Variants in PRKD1 observed in about 807,000 individuals in gnomAD.
The protein encoded by PRKD1 is protein kinase D1, also known as serine/threonine-protein kinase D1.
A neutral mutation model predicts 95.9 loss-of-function variants in PRKD1; 63 were observed. The observed-to-expected ratio is 0.66, with a 90% CI of 0.54 to 0.81. The LOEUF (loss-of-function observed/expected upper bound fraction) is 0.81. PRKD1 is among the 30% of genes least tolerant of loss of function. The probability of loss-of-function intolerance (pLI) is 0.00; values close to 1 mark genes in which losing one functional copy is unlikely to be tolerated. For synonymous variants in PRKD1, 425 were observed against 423.1 expected (o/e 1.00, Z -0.05); for missense variants, 1,048 against 1,165.3 (o/e 0.90, Z 1.47).
intron 4 of PRKD1, among the ~76,000 whole-genome samples, chr14:29,653,124 A>G (rs1048744455): frequency 9.9e-5 from 15 of 152,210 alleles, no homozygotes; most frequent in African/African-American, 3.6e-4. Context: ...GTAAACCTGT[A>G]TGAAAATAAT....
chr14:29,861,620 C>A (rs1594584279), intron 1 of PRKD1, among the ~76,000 whole-genome samples: 1 of 152,124 alleles, frequency 6.6e-6, no homozygotes, highest in South Asian at 2.1e-4. Flanking sequence ...CCCTGTCATG[C>A]TATCAAATAC....
At chr14:29,659,010 T>C (rs1165733842) in intron 4 of PRKD1, among the ~76,000 whole-genome samples, 2 of 152,202 alleles carry the variant, frequency 1.3e-5, no homozygotes, top group African/African-American at 2.4e-5. Context: ...AAAACACTTT[T>C]ACTGAGGTAC....
intron 1 of PRKD1, among the ~76,000 whole-genome samples, chr14:29,782,474 T>G (rs971732870): frequency 6.6e-6 from 1 of 152,198 alleles, no homozygotes; most frequent in Non-Finnish European, 1.5e-5. Context: ...CTTTCTTTTT[T>G]TCATTCTTTT....
intron 1 of PRKD1, among the ~76,000 whole-genome samples, chr14:29,778,591 A>G (rs537618634): frequency 7.2e-5 from 11 of 152,268 alleles, no homozygotes; most frequent in African/African-American, 2.6e-4. Context: ...AAACCAGGAA[A>G]AAGTTGAATC....
chr14:29,656,386 G>C, intron 4 of PRKD1: 2 of 1,309,454 alleles, frequency 1.5e-6, no homozygotes, highest in South Asian at 1.3e-5. Flanking sequence ...CATAAAGTCA[G>C]TACAGACAAT....
At chr14:29,833,392 C>T (rs1460928428) in intron 1 of PRKD1, among the ~76,000 whole-genome samples, 4 of 152,066 alleles carry the variant, frequency 2.6e-5, no homozygotes, top group South Asian at 2.1e-4. Context: ...TTAAAGTACA[C>T]ACATACAGTC....
intron 2 of PRKD1, among the ~76,000 whole-genome samples, chr14:29,716,200 A>G (rs1885601685): frequency 6.6e-6 from 1 of 152,192 alleles, no homozygotes; most frequent in African/African-American, 2.4e-5. Context: ...AATAGATGAA[A>G]AGAGAAGAGA....
chr14:29,851,488 G>A (rs1383372740), intron 1 of PRKD1, among the ~76,000 whole-genome samples: 3 of 151,936 alleles, frequency 2.0e-5, no homozygotes, highest in South Asian at 2.1e-4. Flanking sequence ...GCTCACCATC[G>A]CTAATCATCA....
At chr14:29,722,761 T>A (rs1594459335) in intron 2 of PRKD1, among the ~76,000 whole-genome samples, 1 of 152,134 alleles carries the variant, frequency 6.6e-6, no homozygotes, top group African/African-American at 2.4e-5. Flanking sequence ...AAATGGGTGG[T>A]AAAGTAATTC....
chr14:29,667,455 A>G (rs959280086), intron 2 of PRKD1, among the ~76,000 whole-genome samples: 1 of 152,138 alleles, frequency 6.6e-6, no homozygotes, highest in African/African-American at 2.4e-5. Context: ...AAGTTTAAGA[A>G]ATTGCATATC....
intron 1 of PRKD1, among the ~76,000 whole-genome samples, chr14:29,853,339 T>A (rs1158430799): frequency 6.6e-6 from 1 of 152,234 alleles, no homozygotes; most frequent in African/African-American, 2.4e-5. Context: ...GATTACAGAA[T>A]GTAATGACAG....
intron 3 of PRKD1, among the ~76,000 whole-genome samples, chr14:29,665,049 A>G (rs1403274309): frequency 6.6e-6 from 1 of 152,194 alleles, no homozygotes; most frequent in Non-Finnish European, 1.5e-5. Flanking sequence ...GGGAGAAAAG[A>G]TGTGAGAATA....
chr14:29,923,587 C>A (rs914166914), intron 1 of PRKD1, among the ~76,000 whole-genome samples: 2 of 152,100 alleles, frequency 1.3e-5, no homozygotes, highest in Admixed American at 1.3e-4. Flanking sequence ...AACCTTACTT[C>A]TTTAGTGAGC....
Position 29,671,412 on chromosome 14 carries a change from G to A in PRKD1, c.404-5204C>T, listed in dbSNP as rs1045750059. ...AGGAAGGCCAAAAGAAGGAAAAGCT[G>A]AAGCTTTTTAAAAGCTAAAAGAGAA... On this transcript the variant is annotated intron_variant, in intron 2 of 17. Coordinates refer to ENST00000331968, the MANE Select transcript of PRKD1 (RefSeq NM_002742.3). Among the ~76,000 whole-genome samples, 3 of 152,296 alleles carry A rather than the reference G, an allele frequency of 2.0e-5. No individual in the cohort carries two copies. In the South Asian group the frequency reaches 6.2e-4, roughly 32 times the overall value.
intron 4 of PRKD1, among the ~76,000 whole-genome samples, chr14:29,648,588 C>T (rs1003394683): frequency 1.3e-5 from 2 of 152,138 alleles, no homozygotes; most frequent in Non-Finnish European, 2.9e-5. Flanking sequence ...GCCATTTTCC[C>T]TGGGCCTGCC....
At chr14:29,778,786 T>C (rs1207143770) in intron 1 of PRKD1, among the ~76,000 whole-genome samples, 1 of 152,168 alleles carries the variant, frequency 6.6e-6, no homozygotes, top group East Asian at 1.9e-4. Flanking sequence ...TAACTCATTT[T>C]ATGAGGCCAG....
chr14:29,661,013 A>G (rs1481033330), intron 4 of PRKD1, among the ~76,000 whole-genome samples: 1 of 152,142 alleles, frequency 6.6e-6, no homozygotes, highest in Non-Finnish European at 1.5e-5. Flanking sequence ...CATAATGGAT[A>G]GTTTACTGCC....
chr14:29,705,656 T>G (rs1324492023), intron 2 of PRKD1, among the ~76,000 whole-genome samples: 1 of 152,046 alleles, frequency 6.6e-6, no homozygotes, highest in Non-Finnish European at 1.5e-5. Flanking sequence ...CTCAAGCCTA[T>G]GGCAACCACT....
chr14:29,866,846 G>A lies in PRKD1; in HGVS notation c.264+60403C>T, dbSNP rs560650124. The stretch of plus-strand genomic sequence containing the variant: ...GTATTGTGGCAGCTTGTGAGCACCG[G>A]ATTTTGTTTTATAGACAAGTCTGGA... On this transcript the variant is annotated intron_variant, in intron 1 of 17. Coordinates refer to ENST00000331968, the MANE Select transcript of PRKD1 (RefSeq NM_002742.3). 2.6e-5 allele frequency among the ~76,000 whole-genome samples: 4 copies of A among 152,252 alleles called. No homozygotes were observed. In the South Asian group the frequency reaches 8.3e-4, roughly 32 times the overall value.
Sources: gnomAD v4.1 joint callset for allele counts (sites outside exome capture counted in the v4.1 genomes callset) on GRCh38, gnomAD v4.1.1 for gene constraint, MANE v1.5 for transcripts, NCBI Gene and HGNC (gene_info 2026-07-23, HGNC 2026-07-21) for gene names.